Variants in HEATR4 observed in about 807,000 individuals in gnomAD.
HEATR4 encodes HEAT repeat containing 4.
A neutral mutation model predicts 108.8 loss-of-function variants in HEATR4; 95 were observed. The observed-to-expected ratio is 0.87, with a 90% CI of 0.74 to 1.04. HEATR4 has a LOEUF of 1.04. Among genes scored for constraint, HEATR4 ranks in the 50% least tolerant of loss-of-function variants. The probability of loss-of-function intolerance (pLI) is 0.00; values close to 1 mark genes in which losing one functional copy is unlikely to be tolerated. For missense variants in HEATR4, 1,152 were observed against 1,253.8 expected, an observed-to-expected ratio of 0.92 and a Z score of 1.23; for synonymous variants, 443 against 459.4, an observed-to-expected ratio of 0.96 and a Z score of 0.46.
intron 1 of HEATR4, among the ~76,000 whole-genome samples, chr14:73,536,519 A>G (rs1213340439): frequency 2.0e-5 from 2 of 98,830 alleles, no homozygotes; most frequent in African/African-American, 6.3e-5. Context: ...GTCTCTTTAA[A>G]AAAAAAAAAA....
At chr14:73,595,422 A>C in the HEATR4 span, 1 of 1,614,252 alleles carries the variant, frequency 6.2e-7, no homozygotes, top group Non-Finnish European at 8.5e-7. Context: ...TTACAGGCCC[A>C]TGGAAAGGAA....
chr14:73,490,543 G>C (rs1885640215), intron 17 of HEATR4, among the ~76,000 whole-genome samples: 1 of 152,100 alleles, frequency 6.6e-6, no homozygotes, highest in African/African-American at 2.4e-5. Context: ...GGATGGTCTC[G>C]ATCTCCTGAC....
At chr14:73,633,581 C>T in the HEATR4 span, 2 of 152,192 alleles carry the variant, frequency 1.3e-5, no homozygotes, top group Non-Finnish European at 2.9e-5. Context: ...CACACTTGGC[C>T]TCCTTCAATC....
upstream of HEATR4, among the ~76,000 whole-genome samples, chr14:73,559,918 T>A (rs1333740835): frequency 6.6e-6 from 1 of 152,044 alleles, no homozygotes; most frequent in Non-Finnish European, 1.5e-5. Flanking sequence ...GTCCGTCGAC[T>A]TTTCCATTCC....
At position 73,554,788 on chromosome 14, in the gene HEATR4, T is replaced by C. The variant is rs931432860; in HGVS notation, c.-152+3963A>G. On this transcript the variant is annotated intron_variant, in intron 1 of 17. Transcript: ENST00000553558. ...CTGCTGATTCTTAGATAGAAACCAT[T>C]CTTTATATTTGATAGACTGTTTTCA... Among the ~76,000 whole-genome samples, 5 of 114,982 alleles carry C rather than the reference T, an allele frequency of 4.3e-5. 1 individual carries two copies. The highest frequency in any genetic ancestry group is 1.4e-4 in the African/African-American group (5 of 35,654). 75.4% of individuals were successfully genotyped at this position (114,982 alleles called of 152,430 possible). A position where few individuals can be genotyped will look rare whatever the true frequency, so the allele number is the denominator to read the frequency against.
At position 73,514,226 on chromosome 14, in the gene HEATR4, G is replaced by T. The variant is rs1034900423; in HGVS notation, c.1219C>A (p.Pro407Thr). 1.9e-6 allele frequency: 3 copies of T among 1,613,890 alleles called. No individual in the cohort carries two copies. Among genetic ancestry groups the T allele is most frequent in the African/African-American group, 2.7e-5 (2 of 74,918 alleles). Residue 407 changes from proline (P) to threonine (T), a missense_variant, in exon 6 of 18, where the codon CCT becomes ACT. By Grantham distance (38) the Pro-to-Thr change is conservative (BLOSUM62 -1). Coordinates refer to ENST00000553558, the MANE Select transcript of HEATR4 (RefSeq NM_001220484.1). ...GTCCAGCGCAGGGCTCCTTGCACAG[G>T]TCTGTAAGCTGTGCAACGTGGCAGT... is the stretch of plus-strand genomic sequence containing the variant. ...AQAIPEASYR[P>T]VQGALRWTAL...
At chr14:73,495,166 C>T in intron 16 of HEATR4, 62 bp downstream of exon 16, 1 of 1,476,062 alleles carries the variant, frequency 6.8e-7, no homozygotes, top group South Asian at 1.3e-5. Context: ...CCAAAACATC[C>T]AGATCCTGGA....
At chr14:73,537,991 G>C in intron 1 of HEATR4, 1 of 915,910 alleles carries the variant, frequency 1.1e-6, no homozygotes, top group Non-Finnish European at 1.4e-6. Context: ...TTGTGTGTGT[G>C]TCCCTCCTCC....
the HEATR4 span, chr14:73,571,576 GTGC>G: frequency 6.6e-6 from 1 of 151,688 alleles, no homozygotes; most frequent in African/African-American, 2.4e-5. Context: ...GGAAGCTGCG[GTGC>G]TGCTGCAGTG....
In HEATR4 at chr14:73,530,355, C is replaced by A. The variant is rs866172761; in HGVS notation, c.-151-111G>T. ...GCCTAGAAATCTGCATTTTCACAAG[C>A]TCTCAGGTTTAATACACAATACATT... is the stretch of plus-strand genomic sequence containing the variant. On this transcript the variant is annotated intron_variant, in intron 1 of 17. Transcript: ENST00000553558. 5 of 136,630 alleles carry A rather than the reference C, an allele frequency of 3.7e-5. 1 individual carries two copies. The highest frequency in any genetic ancestry group is 1.3e-4 in the African/African-American group (5 of 38,730). The allele number at this position is 136,630 out of a possible 1,614,324, so 8.5% of individuals were successfully genotyped here. A position where few individuals can be genotyped will look rare whatever the true frequency, so the allele number is the denominator to read the frequency against.
Position 73,484,826 on chromosome 14 carries a change from A to ACG in HEATR4, c.2845-5985_2845-5984insCG, listed in dbSNP as rs1164637504. 2.0e-5 allele frequency among the ~76,000 whole-genome samples: 3 copies of ACG among 148,414 alleles called. No homozygotes were observed. The East Asian group carries it at 5.8e-4, about 29-fold the overall frequency. On this transcript the variant is annotated intron_variant, in intron 17 of 17. Transcript: ENST00000553558. Reference sequence around the variant, plus strand: ...TATGCAGGCAGACACACACACACACACACACAGACACACACACACACACAC... The same window carrying ACG: ...TATGCAGGCAGACACACACACACACACGCACACAGACACACACACACACACAC...
chr14:73,620,789 A>G, the HEATR4 span, among the ~76,000 whole-genome samples: 321 of 151,338 alleles, frequency 2.1e-3, 1 homozygote, highest in African/African-American at 7.3e-3. Flanking sequence ...GCTAGTCTCA[A>G]ACTCCTGATG....
chr14:73,547,348 G>A (rs1889248861), intron 1 of HEATR4, among the ~76,000 whole-genome samples: 1 of 115,202 alleles, frequency 8.7e-6, no homozygotes, highest in African/African-American at 2.8e-5. Context: ...GCCACTGCAC[G>A]CCAGCCTGGG....
intron 14 of HEATR4, 148 bp downstream of exon 14, chr14:73,498,007 A>T: frequency 1.5e-6 from 1 of 658,568 alleles, no homozygotes; most frequent in Non-Finnish European, 2.6e-6. Context: ...TTTTTCAGTT[A>T]CCTACTTGGG....
At chr14:73,582,542 TC>T in the HEATR4 span, 2 of 151,642 alleles carry the variant, frequency 1.3e-5, no homozygotes, top group Non-Finnish European at 2.9e-5. Flanking sequence ...TTAGGGAATT[TC>T]CCCCATAGAC....
At chr14:73,616,980 T>C in the HEATR4 span, 1 of 659,000 alleles carries the variant, frequency 1.5e-6, no homozygotes, top group Non-Finnish European at 2.7e-6. Context: ...TGATTTGTGA[T>C]GTTCTCCAGG....
the HEATR4 span, chr14:73,569,189 G>C: frequency 1.3e-6 from 2 of 1,593,592 alleles, no homozygotes; most frequent in Non-Finnish European, 1.7e-6. Context: ...GCTCACGTTA[G>C]CAGACAGCTC....
rs573674426 is a variant in HEATR4 at position 73,498,942 on chromosome 14, A to G, written c.2356+129T>C. On this transcript the variant is annotated intron_variant, in intron 13 of 17. Transcript: ENST00000553558. ...TTATCTTTCTCTTTTCAGACAAGGAACTTCTGAAAAGCTAAGATCATTACC... is the reference window on the plus strand; with the variant it reads ...TTATCTTTCTCTTTTCAGACAAGGAGCTTCTGAAAAGCTAAGATCATTACC... The G allele has an allele frequency of 6.0e-4, 462 of 766,186 alleles. 2 individuals carry two copies. The South Asian group carries it at 7.2e-3, about 12-fold the overall frequency. 47.5% of individuals were successfully genotyped at this position (766,186 alleles called of 1,614,324 possible).
chr14:73,615,729 G>A, the HEATR4 span, among the ~76,000 whole-genome samples: 1 of 147,500 alleles, frequency 6.8e-6, no homozygotes, highest in Non-Finnish European at 1.5e-5. Flanking sequence ...GTGAAACCTT[G>A]TCTCAACAAA....
Sources: allele counts gnomAD v4.1 joint callset (sites outside exome capture counted in the v4.1 genomes callset), GRCh38; gene constraint gnomAD v4.1.1; transcripts MANE v1.5; gene names NCBI Gene and HGNC (gene_info 2026-07-23, HGNC 2026-07-21).